MTBP: variants seen among roughly 807,000 people sequenced by gnomAD.
MTBP encodes the protein MDM2 binding protein.
A neutral mutation model predicts 117.0 loss-of-function variants in MTBP; 101 were observed. The observed-to-expected ratio is 0.86, with a 90% CI of 0.73 to 1.02. The LOEUF is 1.02. MTBP is among the 50% of genes least tolerant of loss of function. The pLI is 0.00. For missense variants in MTBP, 970 were observed against 1,030.9 expected (o/e 0.94, Z 0.81); for synonymous variants, 350 against 351.5 (o/e 1.00, Z 0.05).
intron 4 of MTBP, among the ~76,000 whole-genome samples, chr8:120,453,277 C>T (rs1025636137): frequency 6.6e-6 from 1 of 151,950 alleles, no homozygotes; most frequent in African/African-American, 2.4e-5. Context: ...ATGGCAGAAC[C>T]CCGTCTCTAC....
intron 11 of MTBP, among the ~76,000 whole-genome samples, chr8:120,478,465 CAT>C (rs1432231431): frequency 6.6e-6 from 1 of 151,972 alleles, no homozygotes; most frequent in Non-Finnish European, 1.5e-5. Context: ...AATTTATCCT[CAT>C]GTAGCAGAAT....
Position 120,502,751 on chromosome 8 carries a change from T to C in MTBP, c.1727+142T>C, listed in dbSNP as rs910484403. On this transcript the variant is annotated intron_variant, in intron 15 of 21. Coordinates refer to ENST00000305949, the MANE Select transcript of MTBP (RefSeq NM_022045.5). Reference sequence around the variant, plus strand: ...ATACATACTTACTGTGAATAGATAGTTAATCACTAGAGTAGTATATCAATT... The same window carrying C: ...ATACATACTTACTGTGAATAGATAGCTAATCACTAGAGTAGTATATCAATT... The C allele has an allele frequency of 7.1e-6, 4 of 563,184 alleles. No homozygotes were observed. The Admixed American group carries it at 1.3e-4, about 18-fold the overall frequency. 34.9% of individuals were successfully genotyped at this position (563,184 alleles called of 1,614,324 possible).
chr8:120,466,731 G>T (rs371456870), intron 10 of MTBP, among the ~76,000 whole-genome samples: 1 of 151,738 alleles, frequency 6.6e-6, no homozygotes, highest in Non-Finnish European at 1.5e-5. Flanking sequence ...AAAATTAGCC[G>T]GGCAAGGAGG....
intron 11 of MTBP, among the ~76,000 whole-genome samples, chr8:120,483,456 C>T (rs1394723954): frequency 2.0e-5 from 3 of 151,998 alleles, no homozygotes; most frequent in African/African-American, 4.8e-5. Context: ...CTGTTTCCCC[C>T]GTAGTCCTGG....
chr8:120,501,762 AGT>A (rs1814592564), intron 14 of MTBP, among the ~76,000 whole-genome samples: 1 of 152,206 alleles, frequency 6.6e-6, no homozygotes, highest in Admixed American at 6.5e-5. Flanking sequence ...TAATTTTGCC[AGT>A]GTTAAAACAG....
intron 11 of MTBP, among the ~76,000 whole-genome samples, chr8:120,478,560 T>C (rs1813997805): frequency 6.6e-6 from 1 of 152,202 alleles, no homozygotes; most frequent in African/African-American, 2.4e-5. Context: ...ATTTTTAAAA[T>C]TGGAATTCTT....
At chr8:120,461,819 A>G (rs988679077) in intron 9 of MTBP, among the ~76,000 whole-genome samples, 9 of 152,268 alleles carry the variant, frequency 5.9e-5, no homozygotes, top group African/African-American at 1.7e-4. Flanking sequence ...GTTTTACTCA[A>G]TATGTTTCTG....
At chr8:120,495,461 G>T (rs1554640637) in intron 13 of MTBP, among the ~76,000 whole-genome samples, 1 of 152,052 alleles carries the variant, frequency 6.6e-6, no homozygotes, top group Non-Finnish European at 1.5e-5. Flanking sequence ...GAACTGTGTA[G>T]TTGATTGGCA....
At chr8:120,496,062 ATCT>A (rs1814447277) in intron 13 of MTBP, among the ~76,000 whole-genome samples, 24 of 152,302 alleles carry the variant, frequency 1.6e-4, no homozygotes, top group Admixed American at 1.4e-3. Context: ...GGCTTTTTAG[ATCT>A]ATGGCCAAGT....
intron 17 of MTBP, among the ~76,000 whole-genome samples, chr8:120,513,460 T>C (rs1814855130): frequency 6.6e-6 from 1 of 152,018 alleles, no homozygotes; most frequent in African/African-American, 2.4e-5. Flanking sequence ...CCCTGCCCCT[T>C]GCCTCTCTGT....
intron 11 of MTBP, among the ~76,000 whole-genome samples, chr8:120,483,089 A>G (rs964963953): frequency 6.6e-6 from 1 of 151,070 alleles, no homozygotes; most frequent in Admixed American, 6.6e-5. Flanking sequence ...GTGGCAGCCT[A>G]GTTTTACCCT....
rs1183621372 is a variant in MTBP, at chr8:120,516,034, C to T, written c.2089C>T (p.Pro697Ser). The change falls in exon 18 of 22, where the codon CCA becomes TCA. Residue 697 changes from proline to serine, a missense_variant. Transcript: ENST00000305949. ...AACTACCTGCACCAGAGAAAGTTTT[C>T]CAGTACCTACTGTGTTGAGCCCTCT... is the stretch of plus-strand genomic sequence containing the variant. Reference protein sequence around the residue: ...TQTTCTRESFPVPTVLSPLPS... With the variant: ...TQTTCTRESFSVPTVLSPLPS... The T allele has an allele frequency of 1.9e-6, 3 of 1,613,088 alleles. No individual in the cohort carries two copies. In the Admixed American group the frequency reaches 5.0e-5, roughly 27 times the overall value.
chr8:120,506,777 T>C lies in MTBP; in HGVS notation c.1799T>C (p.Leu600Ser), dbSNP rs145989845. The change falls in exon 16 of 22, where the codon TTG becomes TCG. Residue 600 changes from leucine (L) to serine (S), a missense_variant. Transcript: ENST00000305949. ...GAGGGTCCTCGGGACTCAATCACAT[T>C]GTTGGATGCTAAAGAATTGCTGAAG... is the stretch of plus-strand genomic sequence containing the variant. Reference protein sequence around the residue: ...HKEGPRDSITLLDAKELLKYF... With the variant: ...HKEGPRDSITSLDAKELLKYF... The C allele has an allele frequency of 1.7e-4, 269 of 1,613,500 alleles. No individual in the cohort carries two copies. The highest frequency in any genetic ancestry group is 2.1e-4 in the Non-Finnish European group (252 of 1,179,628).
intron 7 of MTBP, among the ~76,000 whole-genome samples, chr8:120,457,741 G>A (rs926219377): frequency 6.6e-5 from 10 of 152,000 alleles, no homozygotes; most frequent in Admixed American, 5.9e-4. Flanking sequence ...TGGCTAACAC[G>A]GTAAAACCTC....
At chr8:120,505,916 T>G (rs1442368201) in intron 15 of MTBP, among the ~76,000 whole-genome samples, 1 of 152,176 alleles carries the variant, frequency 6.6e-6, no homozygotes, top group Non-Finnish European at 1.5e-5. Flanking sequence ...TTTAAATAGC[T>G]GTATCACCCT....
chr8:120,448,664 G>A (rs1157601416), intron 2 of MTBP, among the ~76,000 whole-genome samples: 1 of 152,160 alleles, frequency 6.6e-6, no homozygotes, highest in Non-Finnish European at 1.5e-5. Context: ...TGAGAAGCTT[G>A]CAATGAAGTC....
chr8:120,479,020 A>G (rs928318218), intron 11 of MTBP, among the ~76,000 whole-genome samples: 2 of 152,232 alleles, frequency 1.3e-5, no homozygotes, highest in Non-Finnish European at 2.9e-5. Flanking sequence ...CGTGGATGCA[A>G]CTGGAGGCCA....
rs1814493054 is a variant in MTBP at position 120,497,484 on chromosome 8, T to C, written c.1539T>C (p.Tyr513=). 6.3e-7 allele frequency: 1 copy of C among 1,596,112 alleles called. No individual in the cohort carries two copies. Among genetic ancestry groups the C allele is most frequent in the Non-Finnish European group, 8.6e-7 (1 of 1,165,874 alleles). ...TCACAAGGAAACACTTTTTAGATTA[T>C]TTTGATGCTGTGATTCCTAAAATGA... ...LVLTRKHFLD[Y]FDAVIPKMIL... Residue 513 remains tyrosine, a synonymous_variant, in exon 14 of 22, where the codon TAT becomes TAC. Transcript: ENST00000305949.
intron 11 of MTBP, among the ~76,000 whole-genome samples, chr8:120,482,690 C>CT (rs1301120509): frequency 0.018 from 2,643 of 146,616 alleles, 65 homozygotes; most frequent in African/African-American, 0.06. Flanking sequence ...TACTATTCTT[C>CT]TTTTTTTTTT....
Sources: gnomAD v4.1 joint callset for allele counts (sites outside exome capture counted in the v4.1 genomes callset) on GRCh38, gnomAD v4.1.1 for gene constraint, MANE v1.5 for transcripts, NCBI Gene and HGNC (gene_info 2026-07-23, HGNC 2026-07-21) for gene names.